The following PTPRD variants were observed in gnomAD, a reference collection of about 807,000 sequenced individuals.
PTPRD encodes protein tyrosine phosphatase receptor type D.
PTPRD carries 34 observed loss-of-function variants against 214.5 expected under a neutral mutation model. The observed-to-expected ratio is 0.16, with a 90% confidence interval of 0.12 to 0.21. The LOEUF (loss-of-function observed/expected upper bound fraction) is 0.21. Ranked by LOEUF, PTPRD falls within the 10% of genes least tolerant of loss-of-function variation. PTPRD has a pLI of 1.00. For synonymous variants in PTPRD, 1,128 were observed against 845.7 expected, an observed-to-expected ratio of 1.33 and a Z score of -5.79; for missense variants, 2,545 against 2,398.7, an observed-to-expected ratio of 1.06 and a Z score of -1.27.
At chr9:10,589,810 C>A (rs1395289792) in intron 2 of PTPRD, among the ~76,000 whole-genome samples, 1 of 151,996 alleles carries the variant, frequency 6.6e-6, no homozygotes, top group Non-Finnish European at 1.5e-5. Flanking sequence ...GCTGATTTGA[C>A]TTTTGATTGA....
At chr9:9,378,467 A>G (rs2061374795) in intron 9 of PTPRD, among the ~76,000 whole-genome samples, 1 of 152,186 alleles carries the variant, frequency 6.6e-6, no homozygotes, top group African/African-American at 2.4e-5. Context: ...AATTATGAAT[A>G]ATGCTGTTAT....
At chr9:8,758,529 G>A (rs1053911234) in intron 11 of PTPRD, among the ~76,000 whole-genome samples, 2 of 152,140 alleles carry the variant, frequency 1.3e-5, no homozygotes, top group Admixed American at 6.5e-5. Context: ...ACAGCCTAGA[G>A]AAATGCTAGA....
At chr9:9,028,189 A>G (rs1480338116) in intron 10 of PTPRD, among the ~76,000 whole-genome samples, 1 of 151,952 alleles carries the variant, frequency 6.6e-6, no homozygotes, top group African/African-American at 2.4e-5. Flanking sequence ...TCTTTTATCA[A>G]AACTTCTAAA....
chr9:8,389,465 G>A lies in PTPRD; in HGVS notation c.4211-58C>T, dbSNP rs148818704. On this transcript the variant is annotated intron_variant, in intron 36 of 45. Transcript: ENST00000381196. ...AGCACATCACAAGAGGAAACAGCCT[G>A]GGACATGACCTAATGGCAGTGCTAT... The A allele has an allele frequency of 1.4e-3, 1,879 of 1,367,608 alleles. 3 individuals carry two copies. Among genetic ancestry groups the A allele is most frequent in the South Asian group, 3.2e-3 (229 of 72,494 alleles). 84.7% of individuals were successfully genotyped at this position (1,367,608 alleles called of 1,614,324 possible).
In PTPRD at chr9:8,636,117, G is replaced by A. The variant is rs984906317; in HGVS notation, c.210+582C>T. Among the ~76,000 whole-genome samples, 5 of 152,132 alleles carry A rather than the reference G, an allele frequency of 3.3e-5. No homozygotes were observed. The East Asian group carries it at 5.8e-4, about 18-fold the overall frequency. ...CACACTACTTGTAAAACACAGGTGC[G>A]AGGGGCAGTGGACCACTTCATTTGC... On this transcript the variant is annotated intron_variant, in intron 13 of 45. Transcript: ENST00000381196.
At chr9:9,520,321 A>T (rs1260101568) in intron 8 of PTPRD, among the ~76,000 whole-genome samples, 1 of 148,238 alleles carries the variant, frequency 6.7e-6, no homozygotes, top group Non-Finnish European at 1.5e-5. Flanking sequence ...ATATATAAGA[A>T]AATTAATAAT....
intron 2 of PTPRD, among the ~76,000 whole-genome samples, chr9:10,528,252 T>G (rs1590123118): frequency 6.6e-6 from 1 of 152,190 alleles, no homozygotes; most frequent in African/African-American, 2.4e-5. Context: ...ATCCTGAGTC[T>G]GATTCCAAGT....
intron 8 of PTPRD, among the ~76,000 whole-genome samples, chr9:9,459,884 C>G (rs1329153344): frequency 6.6e-6 from 1 of 151,986 alleles, no homozygotes; most frequent in East Asian, 1.9e-4. Flanking sequence ...CCCAAGTAGC[C>G]AAACCAAACC....
At chr9:8,910,057 G>T (rs1162832026) in intron 11 of PTPRD, among the ~76,000 whole-genome samples, 3 of 151,586 alleles carry the variant, frequency 2.0e-5, no homozygotes, top group Non-Finnish European at 4.4e-5. Flanking sequence ...TATTTATTTT[G>T]AGATGGAGTC....
chr9:8,976,968 T>C (rs533239580), intron 11 of PTPRD, among the ~76,000 whole-genome samples: 1 of 152,106 alleles, frequency 6.6e-6, no homozygotes, highest in Non-Finnish European at 1.5e-5. Context: ...TGGACATTTC[T>C]ACCAAGATGG....
chr9:8,792,091 A>C (rs1348366491), intron 11 of PTPRD, among the ~76,000 whole-genome samples: 2 of 152,230 alleles, frequency 1.3e-5, no homozygotes, highest in Non-Finnish European at 2.9e-5. Context: ...TTTTTAGACA[A>C]CGTCAAAATG....
At chr9:9,964,067 C>T (rs997739615) in intron 4 of PTPRD, among the ~76,000 whole-genome samples, 3 of 126,406 alleles carry the variant, frequency 2.4e-5, no homozygotes, top group African/African-American at 9.7e-5. Context: ...CAGGCAGAGA[C>T]GGAGGCAGAG....
intron 11 of PTPRD, chr9:8,962,054 A>T (rs978071132): frequency 4.5e-4 from 68 of 152,252 alleles, no homozygotes; most frequent in Admixed American, 3.0e-3. Flanking sequence ...CTCATAAAGT[A>T]TCTTTTACAT....
At chr9:9,127,983 G>T (rs1323961478) in intron 10 of PTPRD, among the ~76,000 whole-genome samples, 1 of 152,086 alleles carries the variant, frequency 6.6e-6, no homozygotes, top group African/African-American at 2.4e-5. Context: ...TATTAACCTT[G>T]ATACCTTCCA....
chr9:9,160,352 C>A (rs1481173479), intron 10 of PTPRD, among the ~76,000 whole-genome samples: 1 of 151,984 alleles, frequency 6.6e-6, no homozygotes, highest in Non-Finnish European at 1.5e-5. Context: ...AACAAATAAC[C>A]TGATTAAAAA....
At chr9:10,103,410 G>A (rs1168034964) in intron 3 of PTPRD, among the ~76,000 whole-genome samples, 3 of 87,674 alleles carry the variant, frequency 3.4e-5, no homozygotes, top group African/African-American at 1.6e-4. Context: ...TAAGAGCATT[G>A]CAGTAAGAAA....
chr9:10,363,991 G>GTT (rs71270610), intron 2 of PTPRD, among the ~76,000 whole-genome samples: 1 of 35,132 alleles, frequency 2.8e-5, no homozygotes, highest in Non-Finnish European at 5.5e-5. Flanking sequence ...ACATTTTCGG[G>GTT]TTTTTTTTTT....
intron 37 of PTPRD, among the ~76,000 whole-genome samples, chr9:8,387,219 A>G (rs1589249093): frequency 1.5e-5 from 2 of 131,140 alleles, no homozygotes; most frequent in East Asian, 2.2e-4. Context: ...TAACTTCCAA[A>G]TAAGTTCCTC....
At chr9:9,533,518 A>G (rs1318291395) in intron 8 of PTPRD, among the ~76,000 whole-genome samples, 1 of 151,762 alleles carries the variant, frequency 6.6e-6, no homozygotes, top group Non-Finnish European at 1.5e-5. Flanking sequence ...GCTGTTTTAA[A>G]TTTTTTCTGT....
Sources: gnomAD v4.1 joint callset for allele counts (sites outside exome capture counted in the v4.1 genomes callset) on GRCh38, gnomAD v4.1.1 for gene constraint, MANE v1.5 for transcripts, NCBI Gene and HGNC (gene_info 2026-07-23, HGNC 2026-07-21) for gene names.